The following PPME1 variants were observed in gnomAD, a reference collection of about 807,000 sequenced individuals.
PPME1 encodes protein phosphatase methylesterase 1.
Under a neutral mutation model 56.9 loss-of-function variants are expected in PPME1, and 17 were observed. The ratio of observed to expected loss-of-function variants is 0.30; its 90% confidence interval spans 0.20 to 0.45. PPME1 has a LOEUF of 0.45. PPME1 is among the 20% of genes least tolerant of loss of function. The pLI is 1.00. For synonymous variants in PPME1, 122 were observed against 156.2 expected (o/e 0.78, Z 1.63); for missense variants, 357 against 483.2 (o/e 0.74, Z 2.45).
At chr11:74,201,979 G>A (rs1215091090) in intron 1 of PPME1, among the ~76,000 whole-genome samples, 1 of 152,214 alleles carries the variant, frequency 6.6e-6, no homozygotes, top group Non-Finnish European at 1.5e-5. Flanking sequence ...GGTCGAGGCT[G>A]AAGTTGCTGT....
intron 1 of PPME1, among the ~76,000 whole-genome samples, chr11:74,181,364 A>G (rs1057496572): frequency 1.3e-5 from 2 of 151,952 alleles, no homozygotes; most frequent in African/African-American, 4.8e-5. Context: ...TTCAACTCCT[A>G]TCCATCTTTA....
chr11:74,214,256 A>T (rs1858560075), intron 3 of PPME1, among the ~76,000 whole-genome samples: 1 of 152,218 alleles, frequency 6.6e-6, no homozygotes, highest in African/African-American at 2.4e-5. Context: ...AATTAGCTTG[A>T]AGACAGGTTA....
chr11:74,200,968 C>CT (rs1342739510), intron 1 of PPME1, among the ~76,000 whole-genome samples: 1 of 151,136 alleles, frequency 6.6e-6, no homozygotes, highest in Admixed American at 6.6e-5. Flanking sequence ...AACTACAGGC[C>CT]TTTTTTTTCT....
Position 74,219,565 on chromosome 11 carries a change from A to C in PPME1, c.289-2747A>C, listed in dbSNP as rs75607972. On this transcript the variant is annotated intron_variant, in intron 3 of 13. Coordinates refer to ENST00000328257, the MANE Select transcript of PPME1 (RefSeq NM_016147.3). The stretch of plus-strand genomic sequence containing the variant: ...ACAAAGGAGTACTATTTGGTTATAA[A>C]AAAGACTGAGATCTCTGTCATTTGC... 5.1e-3 allele frequency among the ~76,000 whole-genome samples: 781 copies of C among 152,290 alleles called. 6 individuals carry two copies. The highest frequency in any genetic ancestry group is 0.018 in the African/African-American group (747 of 41,568).
At chr11:74,246,871 AAACC>A (rs1267816433) in intron 10 of PPME1, among the ~76,000 whole-genome samples, 1 of 152,194 alleles carries the variant, frequency 6.6e-6, no homozygotes, top group Admixed American at 6.5e-5. Context: ...TAAAATAGTA[AAACC>A]TTGTTTTCAG....
chr11:74,238,976 T>C, intron 8 of PPME1, 157 bp from the exon 9 acceptor site: 4 of 732,736 alleles, frequency 5.5e-6, no homozygotes, highest in African/African-American at 1.8e-5. Flanking sequence ...GCCATGATTT[T>C]CCACAGCCCT....
rs563104390 is a variant in PPME1, at chr11:74,187,055, A to G, written c.101+15533A>G. ...CATCCTTGTCAAAAGTCAATTGACC[A>G]TAAATGTATGTGTTTGTTTTTGAAC... is the stretch of plus-strand genomic sequence containing the variant. On this transcript the variant is annotated intron_variant, in intron 1 of 13. Transcript: ENST00000328257. Among the ~76,000 whole-genome samples the G allele has an allele frequency of 2.6e-5, 4 of 152,356 alleles. No homozygotes were observed. The East Asian group carries it at 7.7e-4, about 29-fold the overall frequency.
At chr11:74,253,349 A>G in intron 13 of PPME1, 143 bp from the exon 14 acceptor site, 1 of 802,988 alleles carries the variant, frequency 1.2e-6, no homozygotes, top group Non-Finnish European at 2.1e-6. Context: ...CCCTGGGTCC[A>G]GCTCTGGTCA....
chr11:74,192,533 CA>C lies in PPME1; in HGVS notation c.102-11194del, dbSNP rs565409154. ...TGAGAAGGAGATGAAATTGAGGGGCCAGGGGCAGAATGATATGGTTTGGATG... is the reference window on the plus strand; with the variant it reads ...TGAGAAGGAGATGAAATTGAGGGGCCGGGGCAGAATGATATGGTTTGGATG... On this transcript the variant is annotated intron_variant, in intron 1 of 13. Transcript: ENST00000328257. Among the ~76,000 whole-genome samples the C allele has an allele frequency of 5.3e-4, 81 of 152,114 alleles. No homozygotes were observed. In the South Asian group the frequency reaches 6.5e-3, roughly 12 times the overall value.
intron 4 of PPME1, 91 bp from the exon 5 acceptor site, chr11:74,225,114 T>C: frequency 1.2e-6 from 1 of 849,446 alleles, no homozygotes; most frequent in Non-Finnish European, 1.8e-6. Flanking sequence ...CCCTAATCCA[T>C]TGTCCAAAGA....
chr11:74,213,776 C>T (rs1591042760), intron 3 of PPME1, among the ~76,000 whole-genome samples: 1 of 152,224 alleles, frequency 6.6e-6, no homozygotes, highest in African/African-American at 2.4e-5. Context: ...GCTTGGGGTG[C>T]CCCCTAATGC....
At chr11:74,180,590 T>A (rs1287729318) in intron 1 of PPME1, among the ~76,000 whole-genome samples, 1 of 152,238 alleles carries the variant, frequency 6.6e-6, no homozygotes, top group Non-Finnish European at 1.5e-5. Context: ...AGATTTAAAA[T>A]AATTATATGG....
chr11:74,175,553 T>G (rs955321102), intron 1 of PPME1, among the ~76,000 whole-genome samples: 2 of 152,172 alleles, frequency 1.3e-5, no homozygotes, highest in African/African-American at 4.8e-5. Flanking sequence ...TTCCTTTTTT[T>G]TTCTTTTGCA....
chr11:74,216,254 T>G (rs1858639150), intron 3 of PPME1, among the ~76,000 whole-genome samples: 1 of 152,190 alleles, frequency 6.6e-6, no homozygotes, highest in Non-Finnish European at 1.5e-5. Flanking sequence ...ACAAAACAAG[T>G]CTTGGATAAC....
chr11:74,195,220 T>C (rs1174897300), intron 1 of PPME1, among the ~76,000 whole-genome samples: 1 of 152,226 alleles, frequency 6.6e-6, no homozygotes, highest in Non-Finnish European at 1.5e-5. Context: ...TAGAAACCTG[T>C]TTGTCTCTCC....
chr11:74,217,348 C>T (rs1858675490), intron 3 of PPME1, among the ~76,000 whole-genome samples: 1 of 151,868 alleles, frequency 6.6e-6, no homozygotes, highest in South Asian at 2.1e-4. Context: ...TCAAGATCAG[C>T]CTGGCCAACA....
intron 9 of PPME1, among the ~76,000 whole-genome samples, chr11:74,242,026 T>G (rs947662102): frequency 2.0e-5 from 3 of 152,236 alleles, no homozygotes; most frequent in Non-Finnish European, 4.4e-5. Context: ...CTTTTGGTAT[T>G]ATATCTAAGA....
intron 4 of PPME1, among the ~76,000 whole-genome samples, chr11:74,223,731 T>TA (rs1297280614): frequency 8.2e-6 from 1 of 122,318 alleles, no homozygotes; most frequent in Non-Finnish European, 1.7e-5. Context: ...TTTGGCTGCA[T>TA]AAATGTCTTC....
intron 3 of PPME1, among the ~76,000 whole-genome samples, chr11:74,215,340 AAAAAG>A (rs1858601911): frequency 2.0e-5 from 3 of 152,220 alleles, no homozygotes; most frequent in African/African-American, 7.2e-5. Context: ...CTGTCTTAGA[AAAAAG>A]AAAAGAAGTA....
Sources: gnomAD v4.1 joint callset for allele counts (sites outside exome capture counted in the v4.1 genomes callset) on GRCh38, gnomAD v4.1.1 for gene constraint, MANE v1.5 for transcripts, NCBI Gene and HGNC (gene_info 2026-07-23, HGNC 2026-07-21) for gene names.